Variants in PHKB observed in about 807,000 individuals in gnomAD.
PHKB encodes phosphorylase b kinase regulatory subunit beta.
In PHKB, 122 loss-of-function variants were observed where a neutral mutation model predicts 152.1. The observed-to-expected ratio is 0.80, with a 90% confidence interval of 0.69 to 0.93. The LOEUF is 0.93. PHKB is among the 40% of genes least tolerant of loss of function. The pLI, the probability that PHKB is intolerant of heterozygous loss-of-function variation, is 0.00. For synonymous variants in PHKB, 436 were observed against 464.9 expected (o/e 0.94, Z 0.80); for missense variants, 1,304 against 1,328.4 (o/e 0.98, Z 0.29).
intron 7 of PHKB, chr16:47,565,887 G>A: frequency 8.6e-7 from 1 of 1,163,828 alleles, no homozygotes. Flanking sequence ...TTCCTTAGGA[G>A]TACTCTGAGG....
intron 6 of PHKB, among the ~76,000 whole-genome samples, chr16:47,518,534 A>G (rs1970634732): frequency 6.6e-6 from 1 of 152,202 alleles, no homozygotes. Context: ...GTATTTTCTA[A>G]GGGCAGGCAC....
At position 47,650,879 on chromosome 16, in the gene PHKB, A is replaced by T. The variant is rs1349199129; in HGVS notation, c.1929A>T (p.Lys643Asn). The change falls in exon 20 of 31, where the codon AAA (lysine) becomes AAT (asparagine). Residue 643 changes from lysine (K) to asparagine (N), a missense_variant. By Grantham distance (94) the Lys-to-Asn change is moderately conservative. Transcript: ENST00000323584. ...TAGATATGCTGGCAGCCCTTAAAAA[A>T]GGAATAATTGGAGGAGTCAAAGTTC... ...PILDMLAALKKGIIGGVKVHV... is the reference protein window; with the variant it reads ...PILDMLAALKNGIIGGVKVHV... The T allele has an allele frequency of 6.2e-7, 1 of 1,613,794 alleles. No homozygotes were observed. The highest frequency in any genetic ancestry group is 2.2e-5 in the East Asian group (1 of 44,882).
At chr16:47,642,403 A>G (rs1973041352) in intron 16 of PHKB, among the ~76,000 whole-genome samples, 1 of 152,182 alleles carries the variant, frequency 6.6e-6, no homozygotes, top group South Asian at 2.1e-4. Context: ...ATTATTGCCT[A>G]TGCTTGTGAA....
intron 7 of PHKB, 119 bp from the exon 8 acceptor site, chr16:47,580,176 T>C: frequency 1.3e-6 from 1 of 778,848 alleles, no homozygotes; most frequent in Non-Finnish European, 2.2e-6. Flanking sequence ...ATTATTCTTC[T>C]TACAGAAGTT....
At chr16:47,467,180 T>C (rs1969683395) in intron 1 of PHKB, among the ~76,000 whole-genome samples, 1 of 152,238 alleles carries the variant, frequency 6.6e-6, no homozygotes, top group Admixed American at 6.5e-5. Flanking sequence ...TATTAAAGAC[T>C]AATGACTTAT....
chr16:47,572,849 C>G (rs890150781), intron 7 of PHKB, among the ~76,000 whole-genome samples: 3 of 152,192 alleles, frequency 2.0e-5, no homozygotes, highest in Non-Finnish European at 2.9e-5. Flanking sequence ...CAAAAGTTTT[C>G]TCCTTCCTGA....
intron 6 of PHKB, among the ~76,000 whole-genome samples, chr16:47,545,016 C>T (rs534804078): frequency 6.6e-6 from 1 of 152,280 alleles, no homozygotes; most frequent in African/African-American, 2.4e-5. Context: ...CTCCTGAGTA[C>T]AGCATACTGA....
intron 7 of PHKB, chr16:47,561,192 GA>G (rs1971469926): frequency 6.6e-6 from 1 of 152,192 alleles, no homozygotes; most frequent in African/African-American, 2.4e-5. Flanking sequence ...AGAAAAGGAA[GA>G]GTCAAATGTG....
chr16:47,528,659 C>A (rs182731667), intron 6 of PHKB, among the ~76,000 whole-genome samples: 1 of 151,136 alleles, frequency 6.6e-6, no homozygotes, highest in Non-Finnish European at 1.5e-5. Flanking sequence ...AAAAGAAAAC[C>A]CATCGAACAG....
intron 7 of PHKB, chr16:47,565,617 G>C: frequency 9.4e-7 from 1 of 1,062,028 alleles, no homozygotes; most frequent in Non-Finnish European, 1.5e-6. Context: ...TCTGCCGGAT[G>C]TGGCAGAGGT....
chr16:47,529,786 G>A (rs1484212706), intron 6 of PHKB: 1 of 152,166 alleles, frequency 6.6e-6, no homozygotes, highest in Non-Finnish European at 1.5e-5. Context: ...TTATTATCAA[G>A]AAAGGAAGAG....
At chr16:47,524,498 G>A (rs1970734509) in intron 6 of PHKB, among the ~76,000 whole-genome samples, 1 of 152,186 alleles carries the variant, frequency 6.6e-6, no homozygotes, top group African/African-American at 2.4e-5. Flanking sequence ...GCTGGGTGGG[G>A]TGGCTCACGC....
At chr16:47,660,964 A>G (rs1973433690) in intron 22 of PHKB, 145 bp downstream of exon 22, 1 of 808,132 alleles carries the variant, frequency 1.2e-6, no homozygotes, top group Non-Finnish European at 2.1e-6. Flanking sequence ...CAGGGCAATC[A>G]TGAGAAGTTG....
At chr16:47,625,419 G>T (rs1177677954) in intron 14 of PHKB, among the ~76,000 whole-genome samples, 4 of 152,182 alleles carry the variant, frequency 2.6e-5, no homozygotes, top group African/African-American at 7.2e-5. Context: ...GTAGGGCCCT[G>T]TGGGGCCTTA....
intron 7 of PHKB, among the ~76,000 whole-genome samples, chr16:47,554,537 C>T (rs780659691): frequency 5.4e-5 from 8 of 148,084 alleles, no homozygotes; most frequent in South Asian, 2.2e-4. Flanking sequence ...GTTCTGTCTC[C>T]GCGGAGTTCC....
intron 20 of PHKB, among the ~76,000 whole-genome samples, chr16:47,656,658 C>G (rs1973344547): frequency 6.6e-6 from 1 of 152,136 alleles, no homozygotes; most frequent in Non-Finnish European, 1.5e-5. Context: ...AACTCAAACT[C>G]TATGCTCATA....
intron 26 of PHKB, among the ~76,000 whole-genome samples, chr16:47,674,433 A>G (rs1331201466): frequency 6.6e-6 from 1 of 152,182 alleles, no homozygotes; most frequent in East Asian, 1.9e-4. Context: ...ACCTAATATT[A>G]AGACGCTATG....
At chr16:47,683,391 T>G (rs1229320520) in intron 26 of PHKB, among the ~76,000 whole-genome samples, 3 of 152,238 alleles carry the variant, frequency 2.0e-5, no homozygotes, top group Non-Finnish European at 4.4e-5. Context: ...GCAGGCCTCC[T>G]TGAGCTGTGG....
rs1403700870 is a variant in PHKB, at chr16:47,696,253, A to C, written c.2896-128A>C. 5.7e-6 allele frequency: 4 copies of C among 706,724 alleles called. No homozygotes were observed. The East Asian group carries it at 1.1e-4, about 19-fold the overall frequency. 43.8% of individuals were successfully genotyped at this position (706,724 alleles called of 1,614,324 possible). ...TGACATATATAAAATCCAGTTGTGT[A>C]GCTGAAAATGTTCTCCAAGGTTTTA... On this transcript the variant is annotated intron_variant, in intron 28 of 30. Coordinates refer to ENST00000323584, the MANE Select transcript of PHKB (RefSeq NM_000293.3).
Sources: gnomAD v4.1 joint callset for allele counts (sites outside exome capture counted in the v4.1 genomes callset) on GRCh38, gnomAD v4.1.1 for gene constraint, MANE v1.5 for transcripts, NCBI Gene and HGNC (gene_info 2026-07-23, HGNC 2026-07-21) for gene names.